The following SMOC1 variants were observed in gnomAD, a reference collection of about 807,000 sequenced individuals.
The protein encoded by SMOC1 is SPARC related modular calcium binding 1.
Under a neutral mutation model 56.3 loss-of-function variants are expected in SMOC1, and 22 were observed. The ratio of observed to expected loss-of-function variants is 0.39; its 90% CI spans 0.28 to 0.56. The LOEUF (loss-of-function observed/expected upper bound fraction) is 0.56, where lower values mean the gene tolerates loss of function less well. Ranked by LOEUF, SMOC1 falls within the 20% of genes least tolerant of loss-of-function variation. The pLI is 0.61. For missense variants in SMOC1, 509 were observed against 565.4 expected, an observed-to-expected ratio of 0.90 and a Z score of 1.01; for synonymous variants, 193 against 215.0, an observed-to-expected ratio of 0.90 and a Z score of 0.89.
At chr14:69,920,381 G>A (rs1248649876) in intron 1 of SMOC1, among the ~76,000 whole-genome samples, 3 of 152,162 alleles carry the variant, frequency 2.0e-5, no homozygotes, top group Non-Finnish European at 2.9e-5. Context: ...ATGAGATGTG[G>A]GGCTCTTCCT....
At chr14:70,015,381 G>A (rs1297632580) in intron 10 of SMOC1, among the ~76,000 whole-genome samples, 3 of 151,998 alleles carry the variant, frequency 2.0e-5, no homozygotes, top group African/African-American at 4.8e-5. Context: ...TTAACAGCAC[G>A]GTGCTATACA....
chr14:69,952,383 A>G (rs1883035638), intron 2 of SMOC1, 80 bp downstream of exon 2: 1 of 1,551,840 alleles, frequency 6.4e-7, no homozygotes, highest in Non-Finnish European at 8.8e-7. Flanking sequence ...GCAACAGGGA[A>G]GCTTGGAGTA....
chr14:69,933,319 C>T (rs1885214183), intron 1 of SMOC1, among the ~76,000 whole-genome samples: 1 of 151,942 alleles, frequency 6.6e-6, no homozygotes, highest in African/African-American at 2.4e-5. Flanking sequence ...TTAAAATGTT[C>T]ATTATTTTTA....
intron 1 of SMOC1, among the ~76,000 whole-genome samples, chr14:69,898,997 T>C (rs1181864419): frequency 6.6e-6 from 1 of 152,182 alleles, no homozygotes; most frequent in African/African-American, 2.4e-5. Context: ...TTGGTGAGCC[T>C]GTGCCCTTGG....
chr14:69,947,053 C>T (rs1312663984), intron 1 of SMOC1, among the ~76,000 whole-genome samples: 1 of 151,978 alleles, frequency 6.6e-6, no homozygotes, highest in Non-Finnish European at 1.5e-5. Context: ...GCAATTAAAT[C>T]TCTTTTCTTT....
At chr14:70,026,362 T>A (rs770562786) in intron 11 of SMOC1, among the ~76,000 whole-genome samples, 2 of 152,180 alleles carry the variant, frequency 1.3e-5, no homozygotes, top group Admixed American at 1.3e-4. Context: ...AGCCAAGCAA[T>A]GGCTGAGTGT....
At chr14:70,030,185 T>TTA (rs1349186667) in intron 11 of SMOC1, 57 bp from the exon 12 acceptor site, 4 of 1,607,422 alleles carry the variant, frequency 2.5e-6, no homozygotes, top group Non-Finnish European at 3.4e-6. Flanking sequence ...AACTTCTTGC[T>TTA]TATATCTGCC....
Position 69,992,461 on chromosome 14 carries a change from T to C in SMOC1, c.571T>C (p.Phe191Leu), listed in dbSNP as rs1884598284. ...PTPTMETQPV[F>L]DGDEITAPTL... ...ACCCACGATGGAGACCCAGCCGGTG[T>C]TCGATGGAGATGGTAAGATCTTGCA... is the stretch of plus-strand genomic sequence containing the variant. Residue 191 changes from phenylalanine (F) to leucine (L), a missense_variant, in exon 6 of 12, where the codon TTC becomes CTC. Phe to Leu is a conservative substitution (Grantham distance 22). This residue lies in a region of SMOC1 where 315 missense variants were observed against 333.1 expected (regional missense o/e 0.95). Coordinates refer to ENST00000361956, the MANE Select transcript of SMOC1 (RefSeq NM_001034852.3). 6.2e-7 allele frequency: 1 copy of C among 1,613,712 alleles called. No individual in the cohort carries two copies. The highest frequency in any genetic ancestry group is 8.5e-7 in the Non-Finnish European group (1 of 1,179,568).
chr14:70,028,685 A>G (rs1433625033), intron 11 of SMOC1, among the ~76,000 whole-genome samples: 1 of 152,134 alleles, frequency 6.6e-6, no homozygotes, highest in Non-Finnish European at 1.5e-5. Context: ...CAGCAAGGAG[A>G]GAAGCAGCTG....
At chr14:69,997,914 C>G (rs1478244939) in intron 7 of SMOC1, among the ~76,000 whole-genome samples, 4 of 152,070 alleles carry the variant, frequency 2.6e-5, no homozygotes, top group Non-Finnish European at 5.9e-5. Context: ...GGGGTGAGAG[C>G]TCTTCTTCTC....
chr14:69,919,791 A>G lies in SMOC1; in HGVS notation c.100-32347A>G, dbSNP rs912988745. Among the ~76,000 whole-genome samples the G allele has an allele frequency of 2.9e-4, 44 of 152,338 alleles. 1 individual carries two copies. Among genetic ancestry groups the G allele is most frequent in the African/African-American group, 1.1e-3 (44 of 41,578 alleles). ...AACCTTCCAGAGGTAGACTTTTCAA[A>G]AAATGTATTTTAACTCTACAATTAG... On this transcript the variant is annotated intron_variant, in intron 1 of 11. Coordinates refer to ENST00000361956, the MANE Select transcript of SMOC1 (RefSeq NM_001034852.3).
intron 1 of SMOC1, chr14:69,885,880 CAGGGCCT>C (rs1883791322): frequency 6.2e-7 from 1 of 1,601,952 alleles, no homozygotes; most frequent in African/African-American, 1.3e-5. Context: ...TTTGGCGGTC[CAGGGCCT>C]GGGTGAACTG....
chr14:69,937,966 G>C (rs1469537734), intron 1 of SMOC1, among the ~76,000 whole-genome samples: 1 of 152,238 alleles, frequency 6.6e-6, no homozygotes, highest in East Asian at 1.9e-4. Context: ...GCCTGCACTT[G>C]CTCAGCTTCA....
At chr14:69,976,087 TG>T (rs1883942129) in intron 4 of SMOC1, among the ~76,000 whole-genome samples, 1 of 152,214 alleles carries the variant, frequency 6.6e-6, no homozygotes, top group Non-Finnish European at 1.5e-5. Context: ...CATAGAGCTG[TG>T]GTGGCATATG....
intron 3 of SMOC1, among the ~76,000 whole-genome samples, chr14:69,971,444 A>G (rs1023667076): frequency 6.6e-6 from 1 of 152,124 alleles, no homozygotes; most frequent in Non-Finnish European, 1.5e-5. Context: ...CAGCCTTCCT[A>G]GGATGCTTCG....
intron 1 of SMOC1, among the ~76,000 whole-genome samples, chr14:69,936,939 T>C (rs1433364497): frequency 6.6e-6 from 1 of 152,238 alleles, no homozygotes; most frequent in Non-Finnish European, 1.5e-5. Flanking sequence ...ATGTATTATA[T>C]GTATGTATAT....
At position 69,961,805 on chromosome 14, in the gene SMOC1, T is replaced by C. The variant is rs150000777; in HGVS notation, c.378+8273T>C. 4.8e-3 allele frequency among the ~76,000 whole-genome samples: 729 copies of C among 152,360 alleles called. 5 individuals are homozygous for C. Among genetic ancestry groups the C allele is most frequent in the African/African-American group, 0.014 (592 of 41,594 alleles). ...GAATTGCTAGGTCATATGGTAACTA[T>C]GTTTATGCTTTTGAGGAACTGACAG... is the stretch of plus-strand genomic sequence containing the variant. On this transcript the variant is annotated intron_variant, in intron 3 of 11. Coordinates refer to ENST00000361956, the MANE Select transcript of SMOC1 (RefSeq NM_001034852.3).
At chr14:69,953,907 C>T (rs540164168) in intron 3 of SMOC1, among the ~76,000 whole-genome samples, 1 of 152,228 alleles carries the variant, frequency 6.6e-6, no homozygotes, top group South Asian at 2.1e-4. Context: ...TATTCCCTTC[C>T]CTGTTTTTTG....
chr14:70,000,124 T>C (rs187328532), intron 7 of SMOC1, among the ~76,000 whole-genome samples: 299 of 152,336 alleles, frequency 2.0e-3, no homozygotes, highest in Middle Eastern at 6.8e-3. Flanking sequence ...GATCTGAGCA[T>C]CCTTGTTCTG....
Sources: allele counts gnomAD v4.1 joint callset (sites outside exome capture counted in the v4.1 genomes callset), GRCh38; gene constraint gnomAD v4.1.1; regional missense constraint gnomAD v4.1.1; transcripts MANE v1.5; gene names NCBI Gene and HGNC (gene_info 2026-07-23, HGNC 2026-07-21).